Variants in CLTCL1 observed in about 807,000 individuals in gnomAD.
The protein encoded by CLTCL1 is clathrin heavy chain like 1.
Under a neutral mutation model 190.0 loss-of-function variants are expected in CLTCL1, and 159 were observed. The observed-to-expected ratio is 0.84, with a 90% CI of 0.74 to 0.95. The LOEUF is 0.95. Ranked by LOEUF, CLTCL1 falls within the 40% of genes least tolerant of loss-of-function variation. The pLI is 0.00. For missense variants in CLTCL1, 1,878 were observed against 2,033.4 expected (o/e 0.92, Z 1.47); for synonymous variants, 752 against 769.6 (o/e 0.98, Z 0.38).
chr22:19,247,028 G>T (rs1194936288), intron 3 of CLTCL1, among the ~76,000 whole-genome samples: 1 of 152,070 alleles, frequency 6.6e-6, no homozygotes, highest in Non-Finnish European at 1.5e-5. Flanking sequence ...TAATTTTGTT[G>T]TTCAGGCTTT....
chr22:19,199,770 A>C lies in CLTCL1; in HGVS notation c.3837T>G (p.His1279Gln). ...ACATCAGCTCCTCCAGCTCATCTGC[A>C]TGAATGACGATGTGAAGACCACACA... ...AQLCGLHIVI[H>Q]ADELEELMCY... is the part of the protein sequence containing the mutation. Residue 1279 changes from histidine (H) to glutamine (Q), a missense_variant, in exon 24 of 33, where the codon CAT becomes CAG. Physicochemically the swap from His to Gln is conservative, Grantham distance 24. Coordinates refer to ENST00000427926, the MANE Select transcript of CLTCL1 (RefSeq NM_007098.4). 6.3e-7 allele frequency: 1 copy of C among 1,595,540 alleles called. No individual in the cohort carries two copies. The highest frequency in any genetic ancestry group is 1.7e-4 in the Middle Eastern group (1 of 6,048).
At chr22:19,234,327 AGT>A (rs1402487542) in intron 7 of CLTCL1, among the ~76,000 whole-genome samples, 180 bp downstream of exon 7, 4 of 152,228 alleles carry the variant, frequency 2.6e-5, no homozygotes, top group African/African-American at 4.8e-5. Context: ...ATGCAGCAAG[AGT>A]GTGTTTTTTG....
chr22:19,261,144 G>GCC (rs2086936779), intron 2 of CLTCL1, among the ~76,000 whole-genome samples: 1 of 147,382 alleles, frequency 6.8e-6, no homozygotes, highest in African/African-American at 2.5e-5. Flanking sequence ...CGGAGTCTTT[G>GCC]CTCTGTTGCC....
rs147894050 is a variant in CLTCL1 at position 19,272,627 on chromosome 22, C to G, written c.250+2996G>C. 1.5e-3 allele frequency among the ~76,000 whole-genome samples: 228 copies of G among 152,192 alleles called. 1 individual carries two copies. Among genetic ancestry groups the G allele is most frequent in the African/African-American group, 5.1e-3 (211 of 41,522 alleles). ...CTGAGATTACAGGTGCACGCCACCACGCCCAGCTAATTTTTGTATTTTTAG... is the reference window on the plus strand; with the variant it reads ...CTGAGATTACAGGTGCACGCCACCAGGCCCAGCTAATTTTTGTATTTTTAG... On this transcript the variant is annotated intron_variant, in intron 2 of 32. Coordinates refer to ENST00000427926, the MANE Select transcript of CLTCL1 (RefSeq NM_007098.4).
At chr22:19,190,641 A>G (rs1239690174) in intron 27 of CLTCL1, among the ~76,000 whole-genome samples, 5 of 151,750 alleles carry the variant, frequency 3.3e-5, no homozygotes, top group Non-Finnish European at 7.4e-5. Context: ...ACAGATCACC[A>G]TAACATATAT....
chr22:19,208,602 C>A (rs2073740), intron 21 of CLTCL1, among the ~76,000 whole-genome samples: 57,257 of 151,348 alleles, frequency 0.38, 11,607 homozygotes, highest in South Asian at 0.54. Context: ...GTGCCACAAT[C>A]AACTTGAAAC....
At chr22:19,243,398 A>C (rs1356718360) in intron 3 of CLTCL1, among the ~76,000 whole-genome samples, 3 of 152,194 alleles carry the variant, frequency 2.0e-5, no homozygotes, top group Non-Finnish European at 4.4e-5. Flanking sequence ...TGGGAGAATC[A>C]CTTGAGGCCG....
chr22:19,213,777 G>A (rs2085302890), intron 19 of CLTCL1, among the ~76,000 whole-genome samples: 1 of 151,882 alleles, frequency 6.6e-6, no homozygotes, highest in South Asian at 2.1e-4. Flanking sequence ...GTTGAGGTTT[G>A]GGGGAATGTA....
intron 12 of CLTCL1, 31 bp downstream of exon 12, chr22:19,226,188 C>T: frequency 6.2e-7 from 1 of 1,605,492 alleles, no homozygotes; most frequent in Non-Finnish European, 8.5e-7. Context: ...AGACAACAGC[C>T]ATAATAGGAG....
intron 3 of CLTCL1, among the ~76,000 whole-genome samples, chr22:19,247,035 C>T (rs2086440444): frequency 6.6e-6 from 1 of 152,118 alleles, no homozygotes; most frequent in Non-Finnish European, 1.5e-5. Context: ...GTTGTTCAGG[C>T]TTTTGGTGCT....
Position 19,242,863 on chromosome 22 carries a change from G to A in CLTCL1, c.593C>T (p.Ala198Val). ...RKVSQPIEGH[A>V]AAFAEFKMEG... ...CATCTTGAACTCTGCAAAAGCCGCA[G>A]CATGGCCTTCTATGGGTTGTGAAAC... The change falls in exon 4 of 33, where the codon GCT (alanine) becomes GTT (valine). Residue 198 changes from alanine to valine, a missense_variant. By Grantham distance (64) the Ala-to-Val change is moderately conservative (BLOSUM62 0). Coordinates refer to ENST00000427926, the MANE Select transcript of CLTCL1 (RefSeq NM_007098.4). The A allele has an allele frequency of 6.2e-7, 1 of 1,613,998 alleles. No homozygotes were observed. The highest frequency in any genetic ancestry group is 8.5e-7 in the Non-Finnish European group (1 of 1,179,878).
intron 1 of CLTCL1, among the ~76,000 whole-genome samples, chr22:19,282,870 C>G (rs1364276002): frequency 2.0e-5 from 3 of 149,760 alleles, no homozygotes; most frequent in Admixed American, 2.0e-4. Flanking sequence ...TTCTTTCTTT[C>G]CTTTTTTTTT....
Position 19,225,503 on chromosome 22 carries a change from A to C in CLTCL1, c.2078T>G (p.Leu693Arg). Residue 693 changes from leucine to arginine, a missense_variant, in exon 13 of 33, where the codon CTG (leucine) becomes CGG (arginine). Coordinates refer to ENST00000427926, the MANE Select transcript of CLTCL1 (RefSeq NM_007098.4). The stretch of plus-strand genomic sequence containing the variant: ...GAGCTCCACCAGGGCCTGCGTGCCC[A>C]GCTGCTCGTGGTACTTAGAGGCCAC... ...VQVASKYHEQLGTQALVELFE... is the reference protein window; with the variant it reads ...VQVASKYHEQRGTQALVELFE... 1 of 1,588,164 alleles carries C rather than the reference A, an allele frequency of 6.3e-7. No individual in the cohort carries two copies. The highest frequency in any genetic ancestry group is 8.6e-7 in the Non-Finnish European group (1 of 1,166,620).
chr22:19,246,555 C>T (rs1555968098), intron 3 of CLTCL1, among the ~76,000 whole-genome samples: 5 of 152,006 alleles, frequency 3.3e-5, no homozygotes, highest in African/African-American at 4.8e-5. Flanking sequence ...CGGCTCACTT[C>T]AACCTCTGCC....
intron 1 of CLTCL1, among the ~76,000 whole-genome samples, chr22:19,288,342 GA>G (rs1226735360): frequency 1.3e-5 from 2 of 152,044 alleles, no homozygotes; most frequent in African/African-American, 4.8e-5. Context: ...TATGCATAGG[GA>G]AAAAAAGTGT....
rs147068683 is a variant in CLTCL1, at chr22:19,239,234, T to C, written c.795+41A>G. ...GTATCTTGGGAGGTGCTAGAGTAGA[T>C]TTTAGGACATGAAGATGTTTAGAGA... On this transcript the variant is annotated intron_variant, in intron 5 of 32. Coordinates refer to ENST00000427926, the MANE Select transcript of CLTCL1 (RefSeq NM_007098.4). 26 of 1,479,758 alleles carry C rather than the reference T, an allele frequency of 1.8e-5. No individual in the cohort carries two copies. The African/African-American group carries it at 2.8e-4, about 16-fold the overall frequency. The allele number at this position is 1,479,758 out of a possible 1,614,324, so 91.7% of individuals were successfully genotyped here. A position where few individuals can be genotyped will look rare whatever the true frequency, so the allele number is the denominator to read the frequency against.
chr22:19,214,544 GTGCT>G (rs2085326333), intron 19 of CLTCL1, among the ~76,000 whole-genome samples: 1 of 152,030 alleles, frequency 6.6e-6, no homozygotes, highest in African/African-American at 2.4e-5. Flanking sequence ...TTACGATAAA[GTGCT>G]TAAGTTTAAT....
intron 18 of CLTCL1, among the ~76,000 whole-genome samples, chr22:19,216,480 A>G (rs1555949560): frequency 6.6e-6 from 1 of 152,270 alleles, no homozygotes. Flanking sequence ...AATATGCTAC[A>G]GACTCTTACT....
At chr22:19,184,564 C>G (rs1555927433) in intron 29 of CLTCL1, 1 of 455,950 alleles carries the variant, frequency 2.2e-6, no homozygotes, top group African/African-American at 2.0e-5. Context: ...TTCTGACCCT[C>G]AGGTGAGAGC....
Sources: allele counts gnomAD v4.1 joint callset (sites outside exome capture counted in the v4.1 genomes callset), GRCh38; gene constraint gnomAD v4.1.1; transcripts MANE v1.5; gene names NCBI Gene and HGNC (gene_info 2026-07-23, HGNC 2026-07-21).